ZNF521: variants seen among roughly 807,000 people sequenced by gnomAD.
ZNF521 encodes LYST-interacting protein 3.
In ZNF521, 14 loss-of-function variants were observed where a neutral mutation model predicts 105.5. That is an observed-to-expected ratio of 0.13 (90% CI 0.09 to 0.21). The LOEUF (loss-of-function observed/expected upper bound fraction) is 0.21. Ranked by LOEUF, ZNF521 falls within the 10% of genes least tolerant of loss-of-function variation. The probability of loss-of-function intolerance (pLI) is 1.00; values close to 1 mark genes in which losing one functional copy is unlikely to be tolerated. For synonymous variants in ZNF521, 635 were observed against 606.0 expected, an observed-to-expected ratio of 1.05 and a Z score of -0.70; for missense variants, 1,233 against 1,629.7, an observed-to-expected ratio of 0.76 and a Z score of 4.19.
intron 1 of ZNF521, 36 bp downstream of exon 1, chr18:25,351,969 A>G (rs751513337): frequency 1.4e-5 from 5 of 365,102 alleles, no homozygotes; most frequent in Admixed American, 2.8e-5. Flanking sequence ...GGAGGAGGAG[A>G]AGGAGTGTGC....
intron 2 of ZNF521, among the ~76,000 whole-genome samples, chr18:25,348,962 A>G (rs4452031): frequency 0.92 from 139,883 of 152,262 alleles, 64,396 homozygotes; most frequent in African/African-American, 0.97. Flanking sequence ...ACAGTCAACC[A>G]AACTTTCGCT....
At chr18:25,308,743 T>C (rs1346406462) in intron 3 of ZNF521, among the ~76,000 whole-genome samples, 2 of 146,632 alleles carry the variant, frequency 1.4e-5, no homozygotes, top group East Asian at 4.1e-4. Context: ...GGTCAAAGAG[T>C]AGGATCTTAG....
intron 5 of ZNF521, among the ~76,000 whole-genome samples, chr18:25,170,099 T>A (rs1472385709): frequency 6.6e-6 from 1 of 151,920 alleles, no homozygotes; most frequent in African/African-American, 2.4e-5. Context: ...CAGATGTTAA[T>A]AGAAGTAGTT....
At chr18:25,188,182 C>G (rs1464458731) in intron 5 of ZNF521, among the ~76,000 whole-genome samples, 1 of 152,146 alleles carries the variant, frequency 6.6e-6, no homozygotes, top group Non-Finnish European at 1.5e-5. Context: ...CTGAGGCCTA[C>G]CGGGCCACAG....
At chr18:25,141,204 T>C (rs2034841351) in intron 5 of ZNF521, among the ~76,000 whole-genome samples, 2 of 152,196 alleles carry the variant, frequency 1.3e-5, no homozygotes, top group Non-Finnish European at 2.9e-5. Context: ...GACAAACGTT[T>C]TGACTGAATT....
chr18:25,184,874 C>G (rs1459851624), intron 5 of ZNF521, among the ~76,000 whole-genome samples: 1 of 152,098 alleles, frequency 6.6e-6, no homozygotes, highest in African/African-American at 2.4e-5. Flanking sequence ...ATCTAATTAT[C>G]CCTTGGTTAA....
rs941485554 is a variant in ZNF521 at position 25,100,019 on chromosome 18, C to T, written c.3659-7938G>A. ...CAAGCCATGTGCTGGACACGGCACT[C>T]ATCAGGCATGTTTTCCTGTTGCTGT... On this transcript the variant is annotated intron_variant, in intron 5 of 7. Coordinates refer to ENST00000361524, the MANE Select transcript of ZNF521 (RefSeq NM_015461.3). Among the ~76,000 whole-genome samples, 4 of 152,076 alleles carry T rather than the reference C, an allele frequency of 2.6e-5. No individual in the cohort carries two copies. The East Asian group carries it at 5.8e-4, about 22-fold the overall frequency.
At chr18:25,175,025 T>G (rs2035512722) in intron 5 of ZNF521, among the ~76,000 whole-genome samples, 1 of 152,232 alleles carries the variant, frequency 6.6e-6, no homozygotes, top group African/African-American at 2.4e-5. Flanking sequence ...ACTATTACCA[T>G]TCCTGTCAAT....
chr18:25,350,654 T>G (rs976727953), intron 2 of ZNF521, among the ~76,000 whole-genome samples: 11 of 151,520 alleles, frequency 7.3e-5, no homozygotes, highest in Admixed American at 1.3e-4. Context: ...TTTTTTCGGT[T>G]GTTGTTGTCT....
chr18:25,151,230 T>G (rs551450247), intron 5 of ZNF521, among the ~76,000 whole-genome samples: 2 of 152,270 alleles, frequency 1.3e-5, no homozygotes, highest in African/African-American at 4.8e-5. Context: ...TAGAAATCCA[T>G]GCTTTAGATA....
intron 7 of ZNF521, chr18:25,082,863 A>G (rs1480477260): frequency 5.6e-6 from 1 of 180,004 alleles, no homozygotes; most frequent in Non-Finnish European, 1.2e-5. Flanking sequence ...AAAAAAAAAA[A>G]AAAAAATTAA....
intron 5 of ZNF521, among the ~76,000 whole-genome samples, chr18:25,113,861 A>G (rs537304731): frequency 6.6e-6 from 1 of 152,090 alleles, no homozygotes; most frequent in African/African-American, 2.4e-5. Flanking sequence ...TCACTCTATC[A>G]CTGGACAGTT....
At chr18:25,243,295 A>G (rs575784585) in intron 3 of ZNF521, among the ~76,000 whole-genome samples, 3 of 152,226 alleles carry the variant, frequency 2.0e-5, no homozygotes, top group East Asian at 3.9e-4. Flanking sequence ...TCATGCCTCA[A>G]TTTACGTCTA....
intron 3 of ZNF521, among the ~76,000 whole-genome samples, chr18:25,246,138 T>A (rs1907699336): frequency 1.3e-5 from 2 of 152,096 alleles, no homozygotes; most frequent in Admixed American, 1.3e-4. Context: ...GACGAGTTAA[T>A]GGGTGCAGCA....
At chr18:25,347,425 G>T (rs1914513337) in intron 2 of ZNF521, among the ~76,000 whole-genome samples, 1 of 152,166 alleles carries the variant, frequency 6.6e-6, no homozygotes, top group Non-Finnish European at 1.5e-5. Flanking sequence ...AAGGCAGGAG[G>T]GGTAAAGGAG....
intron 2 of ZNF521, among the ~76,000 whole-genome samples, chr18:25,329,935 T>G (rs1913463972): frequency 6.6e-6 from 1 of 152,126 alleles, no homozygotes; most frequent in Non-Finnish European, 1.5e-5. Context: ...TGGGAGCCAC[T>G]ATGGAAACAG....
chr18:25,294,150 T>A (rs1479666161), intron 3 of ZNF521, among the ~76,000 whole-genome samples: 2 of 152,220 alleles, frequency 1.3e-5, no homozygotes, highest in Admixed American at 6.5e-5. Context: ...ACTGGGAAAC[T>A]ATTAAAGGTT....
chr18:25,260,484 A>G (rs1368071891), intron 3 of ZNF521, among the ~76,000 whole-genome samples: 1 of 152,180 alleles, frequency 6.6e-6, no homozygotes, highest in Non-Finnish European at 1.5e-5. Context: ...TTTTCTTCAG[A>G]ACCTCAGCAT....
At chr18:25,178,039 C>G (rs1333324397) in intron 5 of ZNF521, among the ~76,000 whole-genome samples, 2 of 152,108 alleles carry the variant, frequency 1.3e-5, no homozygotes, top group African/African-American at 4.8e-5. Flanking sequence ...CACATTCTGG[C>G]ATCTAATAAA....
Sources: allele counts gnomAD v4.1 joint callset (sites outside exome capture counted in the v4.1 genomes callset), GRCh38; gene constraint gnomAD v4.1.1; transcripts MANE v1.5; gene names NCBI Gene and HGNC (gene_info 2026-07-23, HGNC 2026-07-21).